Variants in SNTG2 observed in about 807,000 individuals in gnomAD.
SNTG2 encodes gamma-2-syntrophin.
SNTG2 carries 74 observed loss-of-function variants against 70.9 expected under a neutral mutation model. The observed-to-expected ratio is 1.04, with a 90% confidence interval of 0.86 to 1.27. SNTG2 has a LOEUF of 1.27. Ranked by LOEUF, SNTG2 falls within the 50% of genes most tolerant of loss-of-function variation. The pLI is 0.00. For missense variants in SNTG2, 717 were observed against 690.7 expected (o/e 1.04, Z -0.43); for synonymous variants, 278 against 273.8 (o/e 1.02, Z -0.15).
chr2:1,079,279 GAAGGGGCACAGA>G (rs1434811570), intron 1 of SNTG2, among the ~76,000 whole-genome samples: 4 of 141,270 alleles, frequency 2.8e-5, no homozygotes, highest in African/African-American at 1.0e-4. Context: ...CAGGGCACAG[GAAGGGGCACAGA>G]AAGCAGTGCC....
intron 1 of SNTG2, among the ~76,000 whole-genome samples, chr2:971,746 GT>G (rs1660748899): frequency 6.7e-6 from 1 of 149,544 alleles, no homozygotes; most frequent in African/African-American, 2.5e-5. Flanking sequence ...AAGATATGAT[GT>G]TAGGTTGTTA....
intron 14 of SNTG2, among the ~76,000 whole-genome samples, chr2:1,281,396 TTTATGTG>T (rs1572915127): frequency 0.016 from 82 of 5,284 alleles, no homozygotes; most frequent in East Asian, 0.021. Context: ...GTGGTGTGTG[TTTATGTG>T]GTGTGTTGTG....
intron 8 of SNTG2, among the ~76,000 whole-genome samples, chr2:1,205,309 GT>G (rs1673562720): frequency 6.6e-6 from 1 of 152,144 alleles, no homozygotes; most frequent in Non-Finnish European, 1.5e-5. Context: ...TTTATAAAGA[GT>G]ATGTTAAAAG....
intron 9 of SNTG2, among the ~76,000 whole-genome samples, chr2:1,209,624 T>C (rs557793533): frequency 1.4e-4 from 22 of 152,340 alleles, no homozygotes; most frequent in African/African-American, 5.3e-4. Flanking sequence ...TTTTCTTCAG[T>C]AATAAAATGA....
At chr2:1,220,611 T>C (rs1471292851) in intron 9 of SNTG2, among the ~76,000 whole-genome samples, 1 of 152,254 alleles carries the variant, frequency 6.6e-6, no homozygotes. Flanking sequence ...TTACGCCATC[T>C]TTAAATTTTC....
intron 1 of SNTG2, among the ~76,000 whole-genome samples, chr2:1,019,781 G>A (rs965165890): frequency 3.3e-5 from 5 of 152,148 alleles, no homozygotes; most frequent in African/African-American, 1.2e-4. Context: ...AGGCGTGGTG[G>A]CTCAGGTCTG....
At chr2:1,035,776 G>A (rs1383207742) in intron 1 of SNTG2, among the ~76,000 whole-genome samples, 3 of 152,034 alleles carry the variant, frequency 2.0e-5, no homozygotes, top group Non-Finnish European at 2.9e-5. Context: ...TTCAACTCTT[G>A]TATATTTGCA....
At chr2:954,458 GA>G (rs1244399603) in intron 1 of SNTG2, among the ~76,000 whole-genome samples, 1 of 152,180 alleles carries the variant, frequency 6.6e-6, no homozygotes, top group Non-Finnish European at 1.5e-5. Flanking sequence ...GGATTTAATG[GA>G]AAATGGACCT....
At chr2:1,267,635 G>A (rs1678817381) in intron 14 of SNTG2, 64 bp downstream of exon 14, 1 of 1,386,392 alleles carries the variant, frequency 7.2e-7, no homozygotes, top group African/African-American at 1.4e-5. Context: ...ATAGCATTGG[G>A]GAATATGTAG....
intron 9 of SNTG2, among the ~76,000 whole-genome samples, chr2:1,234,065 T>C (rs957380250): frequency 6.6e-6 from 1 of 152,002 alleles, no homozygotes; most frequent in East Asian, 1.9e-4. Flanking sequence ...GTGAACACCA[T>C]CCTAAAAGGC....
intron 6 of SNTG2, among the ~76,000 whole-genome samples, chr2:1,143,569 G>A (rs763745279): frequency 6.6e-6 from 1 of 151,600 alleles, no homozygotes; most frequent in African/African-American, 2.4e-5. Flanking sequence ...AGAGTCTGCC[G>A]TCGAAAATAT....
At chr2:1,048,232 A>C (rs1202247049) in intron 1 of SNTG2, among the ~76,000 whole-genome samples, 4 of 152,144 alleles carry the variant, frequency 2.6e-5, no homozygotes, top group African/African-American at 7.2e-5. Context: ...ACTGATATAC[A>C]ATATGCAAAG....
intron 4 of SNTG2, among the ~76,000 whole-genome samples, chr2:1,131,387 C>T (rs1182094785): frequency 2.0e-5 from 3 of 152,160 alleles, no homozygotes; most frequent in Non-Finnish European, 4.4e-5. Flanking sequence ...CAGCCACACC[C>T]TGGCCTGCGG....
chr2:1,193,959 G>T (rs1423685171), intron 8 of SNTG2, among the ~76,000 whole-genome samples: 1 of 152,232 alleles, frequency 6.6e-6, no homozygotes, highest in Admixed American at 6.5e-5. Flanking sequence ...GGCACACTTA[G>T]CTCTGTCGGA....
At chr2:1,142,310 A>G (rs1668808769) in intron 6 of SNTG2, among the ~76,000 whole-genome samples, 1 of 152,186 alleles carries the variant, frequency 6.6e-6, no homozygotes. Flanking sequence ...CCATGAAGGG[A>G]ACCAACGCAC....
At chr2:1,032,075 T>C (rs1207727592) in intron 1 of SNTG2, among the ~76,000 whole-genome samples, 2 of 152,172 alleles carry the variant, frequency 1.3e-5, no homozygotes, top group Non-Finnish European at 2.9e-5. Context: ...AAGTAGCTAC[T>C]GACAGCATTG....
At chr2:1,058,201 A>G (rs1202368685) in intron 1 of SNTG2, among the ~76,000 whole-genome samples, 1 of 152,054 alleles carries the variant, frequency 6.6e-6, no homozygotes, top group South Asian at 2.1e-4. Context: ...GTAAATTTAG[A>G]GTACAGTTTT....
intron 1 of SNTG2, among the ~76,000 whole-genome samples, chr2:984,787 G>C (rs115872679): frequency 2.0e-5 from 3 of 152,314 alleles, no homozygotes; most frequent in South Asian, 4.2e-4. Flanking sequence ...CAGGTGCTGC[G>C]TCAGCTCCAC....
rs190617938 is a variant in SNTG2, at chr2:1,134,073, G to A, written c.326-3549G>A. Reference sequence around the variant, plus strand: ...TGAGTGTTACAGCTCTTAAGGCGGTGCGTCTGGAGTTGTTGGTTCCTCCCT... The same window carrying A: ...TGAGTGTTACAGCTCTTAAGGCGGTACGTCTGGAGTTGTTGGTTCCTCCCT... On this transcript the variant is annotated intron_variant, in intron 4 of 16. Transcript: ENST00000308624. 7.6e-4 allele frequency among the ~76,000 whole-genome samples: 116 copies of A among 152,184 alleles called. 4 individuals carry two copies. In the East Asian group the frequency reaches 0.019, roughly 25 times the overall value.
Sources: gnomAD v4.1 joint callset for allele counts (sites outside exome capture counted in the v4.1 genomes callset) on GRCh38, gnomAD v4.1.1 for gene constraint, MANE v1.5 for transcripts, NCBI Gene and HGNC (gene_info 2026-07-23, HGNC 2026-07-21) for gene names.